Variants in ITGA9 observed in about 807,000 individuals in gnomAD.
ITGA9 encodes the protein integrin subunit alpha 9, also known as integrin alpha-9.
Under a neutral mutation model 127.8 loss-of-function variants are expected in ITGA9, and 56 were observed. The ratio of observed to expected loss-of-function variants is 0.44; its 90% confidence interval spans 0.35 to 0.55. The LOEUF is 0.55. Ranked by LOEUF, ITGA9 falls within the 20% of genes least tolerant of loss-of-function variation. The probability of loss-of-function intolerance (pLI) is 0.00; values close to 1 mark genes in which losing one functional copy is unlikely to be tolerated. For missense variants in ITGA9, 1,196 were observed against 1,347.1 expected (o/e 0.89, Z 1.76); for synonymous variants, 508 against 514.5 (o/e 0.99, Z 0.17).
At chr3:37,542,889 G>A (rs1338908856) in intron 15 of ITGA9, among the ~76,000 whole-genome samples, 1 of 151,886 alleles carries the variant, frequency 6.6e-6, no homozygotes, top group Non-Finnish European at 1.5e-5. Context: ...AGGCTTGGTA[G>A]CCTTTTCAGA....
chr3:37,758,434 A>G (rs1696682697), intron 23 of ITGA9, among the ~76,000 whole-genome samples: 1 of 150,654 alleles, frequency 6.6e-6, no homozygotes, highest in Non-Finnish European at 1.5e-5. Flanking sequence ...TTGGTTCTCC[A>G]TGAGGAAACT....
chr3:37,664,782 G>C (rs1700569795), intron 17 of ITGA9, among the ~76,000 whole-genome samples: 1 of 151,928 alleles, frequency 6.6e-6, no homozygotes, highest in Non-Finnish European at 1.5e-5. Context: ...CTTACGGCTG[G>C]CATGCCAGCA....
At chr3:37,727,120 G>T (rs1696220946) in intron 18 of ITGA9, among the ~76,000 whole-genome samples, 1 of 152,222 alleles carries the variant, frequency 6.6e-6, no homozygotes, top group African/African-American at 2.4e-5. Flanking sequence ...CCCTGGTGAT[G>T]ATGTGGCTGA....
intron 27 of ITGA9, among the ~76,000 whole-genome samples, chr3:37,810,851 T>C (rs1697360804): frequency 6.6e-6 from 1 of 152,248 alleles, no homozygotes; most frequent in Non-Finnish European, 1.5e-5. Flanking sequence ...TGCTACTGTT[T>C]ACCTAAATCA....
At chr3:37,684,758 C>T (rs143247199) in intron 18 of ITGA9, among the ~76,000 whole-genome samples, 145 of 152,308 alleles carry the variant, frequency 9.5e-4, no homozygotes, top group African/African-American at 2.8e-3. Flanking sequence ...TGTGACCCAC[C>T]GCCCCTGGCC....
At chr3:37,654,287 G>A (rs773539820) in intron 17 of ITGA9, among the ~76,000 whole-genome samples, 10 of 152,024 alleles carry the variant, frequency 6.6e-5, no homozygotes, top group Non-Finnish European at 1.5e-4. Context: ...GAAGGAGAGG[G>A]GCAGGCTGCC....
intron 17 of ITGA9, among the ~76,000 whole-genome samples, chr3:37,671,391 A>G (rs1700636434): frequency 6.6e-6 from 1 of 152,196 alleles, no homozygotes; most frequent in Non-Finnish European, 1.5e-5. Flanking sequence ...GCCTTGTTAG[A>G]AAGAGGATGG....
chr3:37,813,779 C>T (rs1456578326), intron 27 of ITGA9, among the ~76,000 whole-genome samples: 1 of 152,098 alleles, frequency 6.6e-6, no homozygotes, highest in Admixed American at 6.6e-5. Context: ...TTAGCAAGTC[C>T]TCAATTCTGA....
chr3:37,588,432 GC>G (rs1448334108), intron 15 of ITGA9, among the ~76,000 whole-genome samples: 1 of 151,950 alleles, frequency 6.6e-6, no homozygotes, highest in Non-Finnish European at 1.5e-5. Context: ...CACAGAGGCT[GC>G]CCTTGGACCT....
At chr3:37,763,283 TCACGGAGACCTTTATTCAG>T (rs1696743137) in intron 23 of ITGA9, among the ~76,000 whole-genome samples, 1 of 152,210 alleles carries the variant, frequency 6.6e-6, no homozygotes, top group Non-Finnish European at 1.5e-5. Context: ...AGGGACAGTT[TCACGGAGACCTTTATTCAG>T]AAGTTGCAGG....
chr3:37,752,722 G>A (rs563233599), intron 23 of ITGA9, among the ~76,000 whole-genome samples: 7 of 152,334 alleles, frequency 4.6e-5, no homozygotes, highest in Admixed American at 4.6e-4. Flanking sequence ...AGAAGTCTCT[G>A]GGGCTGCTTC....
chr3:37,700,902 T>C (rs1197594199), intron 18 of ITGA9, among the ~76,000 whole-genome samples: 37 of 152,232 alleles, frequency 2.4e-4, no homozygotes, highest in Admixed American at 2.4e-3. Flanking sequence ...GCTAATTCCT[T>C]ATCTCCCGGA....
chr3:37,581,202 C>A (rs950316989), intron 15 of ITGA9, among the ~76,000 whole-genome samples: 3 of 152,124 alleles, frequency 2.0e-5, no homozygotes, highest in Non-Finnish European at 4.4e-5. Flanking sequence ...GCAGATAGCC[C>A]AGCTAGGAGG....
intron 7 of ITGA9, 35 bp from the exon 8 acceptor site, chr3:37,508,524 C>T (rs762244837): frequency 2.6e-6 from 4 of 1,551,552 alleles, no homozygotes; most frequent in Non-Finnish European, 3.6e-6. Context: ...TCATTGATTT[C>T]ATCCTAACTA....
intron 15 of ITGA9, among the ~76,000 whole-genome samples, chr3:37,598,467 T>C (rs1477223502): frequency 6.6e-6 from 1 of 152,196 alleles, no homozygotes; most frequent in Non-Finnish European, 1.5e-5. Context: ...AACATTTATT[T>C]GGCACCTATG....
At position 37,799,210 on chromosome 3, in the gene ITGA9, G is replaced by T. The variant is rs1248788336; in HGVS notation, c.2890-4613G>T. 6.6e-6 allele frequency among the ~76,000 whole-genome samples: 1 copy of T among 151,804 alleles called. No homozygotes were observed. The highest frequency in any genetic ancestry group is 2.4e-5 in the African/African-American group (1 of 41,302). ...TTTTATTTTTTTAAGACAGAGTCTT[G>T]CTCTTTCACCCAGGCTGGAATGCAG... is the stretch of plus-strand genomic sequence containing the variant. On this transcript the variant is annotated intron_variant, in intron 26 of 27. Transcript: ENST00000264741. The surrounding 1 kb of genome is among the most constrained non-coding windows in gnomAD (Gnocchi z 4.0).
chr3:37,586,049 CAA>C (rs1318188070), intron 15 of ITGA9, among the ~76,000 whole-genome samples: 4 of 152,162 alleles, frequency 2.6e-5, no homozygotes, highest in Non-Finnish European at 5.9e-5. Flanking sequence ...TGGTGGCAGA[CAA>C]GAGCATGTCA....
intron 15 of ITGA9, among the ~76,000 whole-genome samples, chr3:37,557,814 T>C (rs1203325932): frequency 3.9e-5 from 6 of 152,124 alleles, no homozygotes; most frequent in African/African-American, 1.4e-4. Flanking sequence ...TATATAAAAA[T>C]AAAATAAAAT....
chr3:37,748,015 G>A (rs1040409764), intron 22 of ITGA9: 12 of 337,342 alleles, frequency 3.6e-5, no homozygotes, highest in South Asian at 1.0e-4. Flanking sequence ...CTCCAGTTCC[G>A]TCCTTGTTGT....
Sources: gnomAD v4.1 joint callset for allele counts (sites outside exome capture counted in the v4.1 genomes callset) on GRCh38, gnomAD v4.1.1 for gene constraint, Gnocchi (gnomAD v3.1) non-coding constraint, MANE v1.5 for transcripts, NCBI Gene and HGNC (gene_info 2026-07-23, HGNC 2026-07-21) for gene names.